The following DLC1 variants were observed in gnomAD, a reference collection of about 807,000 sequenced individuals.
DLC1 encodes rho GTPase-activating protein 7.
DLC1 carries 54 observed loss-of-function variants against 140.3 expected under a neutral mutation model. The observed-to-expected ratio is 0.38, with a 90% CI of 0.31 to 0.48. The LOEUF is 0.48. Ranked by LOEUF, DLC1 falls within the 20% of genes least tolerant of loss-of-function variation. DLC1 has a pLI of 0.96. For missense variants in DLC1, 2,536 were observed against 1,907.0 expected (o/e 1.33, Z -6.14); for synonymous variants, 986 against 728.1 (o/e 1.35, Z -5.70).
chr8:13,133,208 A>C, intron 5 of DLC1: 1 of 1,421,738 alleles, frequency 7.0e-7, no homozygotes, highest in South Asian at 1.5e-5. Flanking sequence ...GAAGTCCGTG[A>C]GCCGGCGCTC....
intron 5 of DLC1, among the ~76,000 whole-genome samples, chr8:13,242,292 C>A (rs906660166): frequency 1.2e-4 from 18 of 152,010 alleles, no homozygotes; most frequent in African/African-American, 3.9e-4. Flanking sequence ...TATTTATTGT[C>A]TGTTGGAAAC....
chr8:13,238,248 T>C (rs1157868331), intron 5 of DLC1, among the ~76,000 whole-genome samples: 1 of 151,986 alleles, frequency 6.6e-6, no homozygotes, highest in East Asian at 1.9e-4. Flanking sequence ...TGCAATAATA[T>C]AAAACTAAAG....
intron 4 of DLC1, among the ~76,000 whole-genome samples, chr8:13,359,411 C>A (rs966206496): frequency 2.6e-5 from 4 of 152,152 alleles, no homozygotes; most frequent in African/African-American, 9.7e-5. Context: ...CTTCAAAAGA[C>A]TTGGGACTCA....
chr8:13,090,602 T>G, intron 14 of DLC1, 132 bp from the exon 15 acceptor site: 1 of 973,234 alleles, frequency 1.0e-6, no homozygotes. Context: ...CCGCCGGAGG[T>G]GGGCTATCAT....
intron 1 of DLC1, among the ~76,000 whole-genome samples, chr8:13,593,487 C>G (rs542858584): frequency 6.6e-6 from 1 of 152,116 alleles, no homozygotes; most frequent in African/African-American, 2.4e-5. Flanking sequence ...TCAATTCACG[C>G]TTCTCCAACT....
intron 1 of DLC1, among the ~76,000 whole-genome samples, chr8:13,529,842 AT>A (rs991118808): frequency 6.6e-6 from 1 of 152,010 alleles, no homozygotes; most frequent in Non-Finnish European, 1.5e-5. Flanking sequence ...ATAACAATAT[AT>A]TTTTTTTCTA....
chr8:13,569,972 T>C (rs1416327400), intron 1 of DLC1, among the ~76,000 whole-genome samples: 1 of 152,204 alleles, frequency 6.6e-6, no homozygotes, highest in Non-Finnish European at 1.5e-5. Context: ...GCAATCCTCC[T>C]GTCTCAGCCT....
chr8:13,476,471 T>TTG lies in DLC1; in HGVS notation c.1023+22577_1023+22578insCA, dbSNP rs1299214996. Among the ~76,000 whole-genome samples the TTG allele has an allele frequency of 3.3e-5, 5 of 150,996 alleles. No individual in the cohort carries two copies. In the East Asian group the frequency reaches 5.8e-4, roughly 18 times the overall value. On this transcript the variant is annotated intron_variant, in intron 2 of 17. Transcript: ENST00000276297. ...TTTCACATCCACATACAGTGCAGTG[T>TTG]TTTTTTTTTTAGTATGGCTAATACA... is the stretch of plus-strand genomic sequence containing the variant.
At chr8:13,317,410 A>G (rs780522696) in intron 4 of DLC1, among the ~76,000 whole-genome samples, 5 of 152,240 alleles carry the variant, frequency 3.3e-5, no homozygotes, top group Non-Finnish European at 7.3e-5. Context: ...AAATTTACAT[A>G]TAACTTTAGA....
chr8:13,463,401 T>C (rs555298378), intron 2 of DLC1, among the ~76,000 whole-genome samples: 1 of 152,282 alleles, frequency 6.6e-6, no homozygotes, highest in South Asian at 2.1e-4. Flanking sequence ...TGTTAGGACA[T>C]GGAGTACTTT....
rs147659231 is a variant in DLC1 at position 13,469,511 on chromosome 8, A to G, written c.1023+29538T>C. 4.0e-3 allele frequency among the ~76,000 whole-genome samples: 616 copies of G among 152,296 alleles called. 3 individuals are homozygous for G. The highest frequency in any genetic ancestry group is 0.014 in the African/African-American group (592 of 41,560). On this transcript the variant is annotated intron_variant, in intron 2 of 17. Coordinates refer to ENST00000276297, the MANE Select transcript of DLC1 (RefSeq NM_182643.3). ...ACCAGTTTCTACATTGTGGCCATTAAAAGCAAAACTGTTCATAAAGAGTCT... is the reference window on the plus strand; with the variant it reads ...ACCAGTTTCTACATTGTGGCCATTAGAAGCAAAACTGTTCATAAAGAGTCT...
chr8:13,114,232 C>G (rs183097667), intron 6 of DLC1, among the ~76,000 whole-genome samples: 2 of 152,300 alleles, frequency 1.3e-5, no homozygotes, highest in East Asian at 3.9e-4. Context: ...CATGGTGGCA[C>G]ATGCCCATAA....
intron 5 of DLC1, among the ~76,000 whole-genome samples, chr8:13,163,759 T>C (rs906390788): frequency 4.6e-5 from 7 of 151,864 alleles, no homozygotes; most frequent in African/African-American, 1.7e-4. Context: ...GGTGGGAGGA[T>C]AGCTTGAGAC....
chr8:13,604,598 T>C (rs1382020912), exon 1 of DLC1: 1 of 152,170 alleles, frequency 6.6e-6, no homozygotes, highest in Non-Finnish European at 1.5e-5. Context: ...TGCCAATGTG[T>C]TGTCTGATAA....
chr8:13,270,776 G>C (rs1274756507), intron 5 of DLC1, among the ~76,000 whole-genome samples: 1 of 151,862 alleles, frequency 6.6e-6, no homozygotes, highest in Admixed American at 6.6e-5. Flanking sequence ...TTGCCCAAAA[G>C]CCCAAAGCCA....
chr8:13,206,618 A>T (rs911783525), intron 5 of DLC1, among the ~76,000 whole-genome samples: 2 of 152,204 alleles, frequency 1.3e-5, no homozygotes, highest in African/African-American at 4.8e-5. Context: ...TTATGGAGAT[A>T]ACATTGCAAA....
intron 4 of DLC1, among the ~76,000 whole-genome samples, chr8:13,384,010 T>C (rs1416547763): frequency 2.3e-4 from 35 of 152,204 alleles, no homozygotes; most frequent in Non-Finnish European, 1.5e-5. Context: ...ACAGTACTAA[T>C]CATCAATTAT....
At chr8:13,571,786 T>C (rs1324538273) in intron 1 of DLC1, among the ~76,000 whole-genome samples, 1 of 152,210 alleles carries the variant, frequency 6.6e-6, no homozygotes, top group Admixed American at 6.5e-5. Context: ...AGTGACACAT[T>C]ATTTCTACAG....
intron 4 of DLC1, among the ~76,000 whole-genome samples, chr8:13,367,833 T>A (rs2117103071): frequency 6.6e-6 from 1 of 152,276 alleles, no homozygotes; most frequent in East Asian, 1.9e-4. Context: ...TTCAAGAGAT[T>A]CTTCAAGTTA....
Sources: gnomAD v4.1 joint callset for allele counts (sites outside exome capture counted in the v4.1 genomes callset) on GRCh38, gnomAD v4.1.1 for gene constraint, MANE v1.5 for transcripts, NCBI Gene and HGNC (gene_info 2026-07-23, HGNC 2026-07-21) for gene names.